The following COL5A2 variants were observed in gnomAD, a reference collection of about 807,000 sequenced individuals.
COL5A2 encodes the protein collagen type V alpha 2 chain, also known as collagen alpha-2(V) chain.
Under a neutral mutation model 208.2 loss-of-function variants are expected in COL5A2, and 23 were observed. That is an observed-to-expected ratio of 0.11 (90% CI 0.08 to 0.16). COL5A2 has a LOEUF of 0.16. COL5A2 is among the 10% of genes least tolerant of loss of function. COL5A2 has a pLI of 1.00. For synonymous variants in COL5A2, 625 were observed against 628.5 expected, an observed-to-expected ratio of 0.99 and a Z score of 0.08; for missense variants, 1,590 against 1,956.4, an observed-to-expected ratio of 0.81 and a Z score of 3.53.
chr2:189,233,959 A>T, the COL5A2 span, among the ~76,000 whole-genome samples: 2 of 151,596 alleles, frequency 1.3e-5, no homozygotes, highest in African/African-American at 4.8e-5. Flanking sequence ...TCTTTCAGTC[A>T]TCTTATTTTA....
the COL5A2 span, among the ~76,000 whole-genome samples, chr2:189,291,146 T>A: frequency 1.3e-5 from 2 of 152,114 alleles, no homozygotes; most frequent in African/African-American, 4.8e-5. Flanking sequence ...TTTATCTAAC[T>A]CCCATAGATT....
chr2:189,434,855 G>A, the COL5A2 span, among the ~76,000 whole-genome samples: 2 of 152,150 alleles, frequency 1.3e-5, no homozygotes, highest in East Asian at 3.8e-4. Context: ...CCAAAAAAGA[G>A]CCCTCATTGC....
At chr2:189,381,509 A>C in the COL5A2 span, among the ~76,000 whole-genome samples, 1 of 152,006 alleles carries the variant, frequency 6.6e-6, no homozygotes, top group Non-Finnish European at 1.5e-5. Context: ...TGGGCATGGA[A>C]GGAAGATACT....
chr2:189,353,673 T>G, the COL5A2 span, among the ~76,000 whole-genome samples: 1 of 152,250 alleles, frequency 6.6e-6, no homozygotes, highest in African/African-American at 2.4e-5. Flanking sequence ...GCTTATCAGC[T>G]TAAGGAGATT....
At chr2:189,053,609 G>A in intron 37 of COL5A2, 132 bp from the exon 38 acceptor site, 3 of 871,504 alleles carry the variant, frequency 3.4e-6, no homozygotes, top group East Asian at 2.6e-5. Flanking sequence ...GCTTAAGGAA[G>A]GTCCTTAAGG....
intron 1 of COL5A2, among the ~76,000 whole-genome samples, chr2:189,215,430 A>C (rs1689267279): frequency 6.6e-6 from 1 of 152,228 alleles, no homozygotes; most frequent in African/African-American, 2.4e-5. Flanking sequence ...AAAATGTAGC[A>C]TAAAAAATAA....
At position 189,032,056 on chromosome 2, in the gene COL5A2, G is replaced by A. The variant is rs1685345443; in HGVS notation, c.*2014C>T. 6.6e-6 allele frequency: 1 copy of A among 152,048 alleles called. No homozygotes were observed. 9.4% of individuals were successfully genotyped at this position (152,048 alleles called of 1,614,324 possible). The stretch of plus-strand genomic sequence containing the variant: ...ATAATCTTATAGTTTGGACTTGGAA[G>A]TCAAACAAAACTCACACATGTATTT... On this transcript the variant is annotated 3_prime_UTR_variant, in exon 54 of 54. Transcript: ENST00000374866.
At chr2:189,408,243 T>C in the COL5A2 span, among the ~76,000 whole-genome samples, 2 of 152,214 alleles carry the variant, frequency 1.3e-5, no homozygotes, top group East Asian at 3.8e-4. Flanking sequence ...ATAAGTTATC[T>C]GAAATCAGAG....
the COL5A2 span, among the ~76,000 whole-genome samples, chr2:189,265,651 C>A: frequency 2.6e-5 from 4 of 152,108 alleles, no homozygotes; most frequent in Non-Finnish European, 5.9e-5. Flanking sequence ...ATAATACAAC[C>A]TTCAGGAATC....
At chr2:189,248,049 T>G in the COL5A2 span, among the ~76,000 whole-genome samples, 3 of 152,238 alleles carry the variant, frequency 2.0e-5, no homozygotes, top group African/African-American at 7.2e-5. Flanking sequence ...AAATACTTTA[T>G]ACCCAAAATA....
At chr2:189,128,945 C>T (rs1356279976) in intron 1 of COL5A2, among the ~76,000 whole-genome samples, 1 of 151,890 alleles carries the variant, frequency 6.6e-6, no homozygotes, top group African/African-American at 2.4e-5. Flanking sequence ...AAGGCAAAAA[C>T]CCTCTTGAAT....
chr2:189,338,283 C>G, the COL5A2 span, among the ~76,000 whole-genome samples: 1 of 152,156 alleles, frequency 6.6e-6, no homozygotes, highest in South Asian at 2.1e-4. Flanking sequence ...AGTTCAATAT[C>G]CCACCTTGGC....
the COL5A2 span, among the ~76,000 whole-genome samples, chr2:189,293,715 G>C: frequency 2.0e-5 from 3 of 152,170 alleles, no homozygotes; most frequent in Non-Finnish European, 2.9e-5. Context: ...GTCCTCACCA[G>C]ACACTGAATT....
At chr2:189,405,206 TAGA>T in the COL5A2 span, among the ~76,000 whole-genome samples, 2 of 149,970 alleles carry the variant, frequency 1.3e-5, no homozygotes, top group African/African-American at 4.9e-5. Context: ...ATAGTGACAT[TAGA>T]TATTTATTTT....
intron 36 of COL5A2, 64 bp from the exon 37 acceptor site, chr2:189,054,012 G>A: frequency 6.6e-7 from 1 of 1,511,412 alleles, no homozygotes; most frequent in Non-Finnish European, 9.2e-7. Context: ...TTAGGACATT[G>A]GTCACTGTGT....
intron 1 of COL5A2, among the ~76,000 whole-genome samples, chr2:189,157,595 C>T (rs185489407): frequency 4.5e-4 from 69 of 152,104 alleles, no homozygotes; most frequent in Middle Eastern, 3.4e-3. Flanking sequence ...AGACTATTAT[C>T]TACTTCAAAG....
chr2:189,220,055 T>A (rs1342451849), intron 1 of COL5A2, among the ~76,000 whole-genome samples: 2 of 152,148 alleles, frequency 1.3e-5, no homozygotes, highest in Admixed American at 6.6e-5. Flanking sequence ...TGGGTCGAAA[T>A]GCAGGCCTTT....
At chr2:189,312,813 A>C in the COL5A2 span, among the ~76,000 whole-genome samples, 1 of 152,154 alleles carries the variant, frequency 6.6e-6, no homozygotes, top group East Asian at 1.9e-4. Flanking sequence ...ATTAGGGACT[A>C]GAAAAGACTC....
chr2:189,048,182 T>A (rs950130100), intron 45 of COL5A2, 27 bp downstream of exon 45: 1 of 1,608,762 alleles, frequency 6.2e-7, no homozygotes. Context: ...TGACTTTAGA[T>A]TTTATAATAA....
Sources: allele counts gnomAD v4.1 joint callset (sites outside exome capture counted in the v4.1 genomes callset), GRCh38; gene constraint gnomAD v4.1.1; transcripts MANE v1.5; gene names NCBI Gene and HGNC (gene_info 2026-07-23, HGNC 2026-07-21).